The following MCUB variants were observed in gnomAD, a reference collection of about 807,000 sequenced individuals.
The protein encoded by MCUB is calcium uniporter regulatory subunit MCUb, mitochondrial.
Under a neutral mutation model 41.4 loss-of-function variants are expected in MCUB, and 46 were observed. The observed-to-expected ratio is 1.11, with a 90% CI of 0.88 to 1.42. The LOEUF is 1.42. Ranked by LOEUF, MCUB falls within the 40% of genes most tolerant of loss-of-function variation. MCUB has a pLI of 0.00. For synonymous variants in MCUB, 148 were observed against 148.2 expected, an observed-to-expected ratio of 1.00 and a Z score of 0.01; for missense variants, 403 against 404.9, an observed-to-expected ratio of 1.00 and a Z score of 0.04.
At chr4:109,639,421 G>A (rs1379998878) in intron 1 of MCUB, among the ~76,000 whole-genome samples, 1 of 151,998 alleles carries the variant, frequency 6.6e-6, no homozygotes, top group Non-Finnish European at 1.5e-5. Flanking sequence ...CTGGCACAGG[G>A]TCTCACACCT....
chr4:109,613,459 T>C (rs1036470002), intron 1 of MCUB, among the ~76,000 whole-genome samples: 2 of 152,194 alleles, frequency 1.3e-5, no homozygotes, highest in African/African-American at 4.8e-5. Context: ...ATTCAGTTAC[T>C]TATAGGGGAA....
At chr4:109,686,475 C>T (rs1178786521) in intron 7 of MCUB, among the ~76,000 whole-genome samples, 1 of 152,136 alleles carries the variant, frequency 6.6e-6, no homozygotes, top group African/African-American at 2.4e-5. Flanking sequence ...TTCATATAGT[C>T]ATTCTATAGG....
chr4:109,666,220 C>A (rs1729342948), intron 4 of MCUB, among the ~76,000 whole-genome samples: 2 of 152,190 alleles, frequency 1.3e-5, no homozygotes, highest in African/African-American at 4.8e-5. Flanking sequence ...ATCTGGGATA[C>A]TTCCAAGTTT....
chr4:109,646,303 G>A (rs192028039), intron 1 of MCUB, among the ~76,000 whole-genome samples: 2 of 152,112 alleles, frequency 1.3e-5, no homozygotes, highest in East Asian at 3.9e-4. Flanking sequence ...GCTTCCTCTG[G>A]CCCCCTCTTC....
intron 1 of MCUB, among the ~76,000 whole-genome samples, chr4:109,650,559 C>T (rs530953246): frequency 6.6e-6 from 1 of 152,234 alleles, no homozygotes; most frequent in East Asian, 1.9e-4. Context: ...AAAGTTGTAA[C>T]CACAGTGGGA....
At chr4:109,667,584 G>T (rs1729371142) in intron 4 of MCUB, among the ~76,000 whole-genome samples, 1 of 147,858 alleles carries the variant, frequency 6.8e-6, no homozygotes, top group African/African-American at 2.5e-5. Context: ...CAATTTCATT[G>T]GTTTCTACTC....
chr4:109,664,456 GCT>G, intron 4 of MCUB, 62 bp downstream of exon 4: 1 of 660,184 alleles, frequency 1.5e-6, no homozygotes, highest in South Asian at 1.7e-5. Context: ...ATTCTCACTT[GCT>G]CTGTTTCCCA....
chr4:109,597,949 C>T (rs1468083552), intron 1 of MCUB, among the ~76,000 whole-genome samples: 1 of 151,036 alleles, frequency 6.6e-6, no homozygotes, highest in African/African-American at 2.4e-5. Context: ...CTCCTCACAT[C>T]CCAGATGGGG....
intron 1 of MCUB, among the ~76,000 whole-genome samples, chr4:109,622,545 G>C (rs116907511): frequency 6.6e-6 from 1 of 152,136 alleles, no homozygotes; most frequent in African/African-American, 2.4e-5. Flanking sequence ...AGGATGTTTC[G>C]TTTCTTTTAG....
intron 1 of MCUB, among the ~76,000 whole-genome samples, chr4:109,573,867 ATTTTT>A (rs70954166): frequency 1.2e-4 from 13 of 112,520 alleles, no homozygotes; most frequent in African/African-American, 4.3e-4. Flanking sequence ...AAAGGGTTGA[ATTTTT>A]TTTTTTTTTT....
At chr4:109,675,619 A>G (rs1230825385) in intron 4 of MCUB, among the ~76,000 whole-genome samples, 1 of 152,154 alleles carries the variant, frequency 6.6e-6, no homozygotes, top group South Asian at 2.1e-4. Flanking sequence ...CTGTACTTTG[A>G]GTATGTTTCC....
In MCUB at chr4:109,640,225, G is replaced by A. The variant is rs576741540; in HGVS notation, c.100-18786G>A. On this transcript the variant is annotated intron_variant, in intron 1 of 7. Coordinates refer to ENST00000394650, the MANE Select transcript of MCUB (RefSeq NM_017918.5). ...GGGCGGGAGGGTGTATTGTCATAAG[G>A]TCAGTTGATCAGTTAGGGTGGGGCA... is the stretch of plus-strand genomic sequence containing the variant. Among the ~76,000 whole-genome samples, 4 of 152,328 alleles carry A rather than the reference G, an allele frequency of 2.6e-5. No individual in the cohort carries two copies. The South Asian group carries it at 8.3e-4, about 32-fold the overall frequency.
intron 1 of MCUB, among the ~76,000 whole-genome samples, chr4:109,584,616 T>A (rs1341486991): frequency 6.6e-6 from 1 of 152,230 alleles, no homozygotes; most frequent in Non-Finnish European, 1.5e-5. Flanking sequence ...CTCCACACAT[T>A]GCTTTAAATG....
intron 1 of MCUB, among the ~76,000 whole-genome samples, chr4:109,635,852 G>C (rs1229117184): frequency 6.6e-6 from 1 of 152,174 alleles, no homozygotes; most frequent in Non-Finnish European, 1.5e-5. Flanking sequence ...TGATGATGAA[G>C]ATTTGTGTGG....
At chr4:109,665,912 A>T (rs1317859671) in intron 4 of MCUB, among the ~76,000 whole-genome samples, 1 of 151,864 alleles carries the variant, frequency 6.6e-6, no homozygotes, top group Non-Finnish European at 1.5e-5. Context: ...GGAAAATACT[A>T]AACAGTGAGA....
At chr4:109,598,854 A>C (rs1727656504) in intron 1 of MCUB, among the ~76,000 whole-genome samples, 1 of 152,204 alleles carries the variant, frequency 6.6e-6, no homozygotes, top group African/African-American at 2.4e-5. Context: ...GTAACAAAGA[A>C]ATAATTGTGA....
At chr4:109,622,611 A>G (rs895949497) in intron 1 of MCUB, among the ~76,000 whole-genome samples, 2 of 152,226 alleles carry the variant, frequency 1.3e-5, no homozygotes, top group African/African-American at 4.8e-5. Context: ...AAAACCAATA[A>G]TGTAGATTGT....
intron 1 of MCUB, among the ~76,000 whole-genome samples, chr4:109,631,864 G>A (rs1402927373): frequency 6.6e-6 from 1 of 152,150 alleles, no homozygotes; most frequent in Non-Finnish European, 1.5e-5. Flanking sequence ...CCTGCAGGCT[G>A]TTTCTCAGGC....
In MCUB at chr4:109,684,530, G is replaced by A. The variant is rs769775945; in HGVS notation, c.700G>A (p.Ala234Thr). 4 of 1,613,468 alleles carry A rather than the reference G, an allele frequency of 2.5e-6. No individual in the cohort carries two copies. Among genetic ancestry groups the A allele is most frequent in the South Asian group, 2.2e-5 (2 of 91,072 alleles). ...GLALLSIQGG[A>T]LAWLTWWVYS... The stretch of plus-strand genomic sequence containing the variant: ...GGCACTGCTGTCCATTCAGGGTGGG[G>A]CACTGGCCTGGCTCACGTGGTGGGT... The change falls in exon 6 of 8, where the codon GCA becomes ACA. Residue 234 changes from alanine (A) to threonine (T), a missense_variant. Transcript: ENST00000394650.
Sources: allele counts gnomAD v4.1 joint callset (sites outside exome capture counted in the v4.1 genomes callset), GRCh38; gene constraint gnomAD v4.1.1; transcripts MANE v1.5; gene names NCBI Gene and HGNC (gene_info 2026-07-23, HGNC 2026-07-21).